The following CCSER1 variants were observed in gnomAD, a reference collection of about 807,000 sequenced individuals.
The protein encoded by CCSER1 is coiled-coil serine rich protein 1, also known as serine-rich coiled-coil domain-containing protein 1.
CCSER1 carries 41 observed loss-of-function variants against 82.0 expected under a neutral mutation model. The ratio of observed to expected loss-of-function variants is 0.50; its 90% CI spans 0.39 to 0.65. The LOEUF (loss-of-function observed/expected upper bound fraction) is 0.65, where lower values mean the gene tolerates loss of function less well. Ranked by LOEUF, CCSER1 falls within the 30% of genes least tolerant of loss-of-function variation. The pLI is 0.00. For missense variants in CCSER1, 1,119 were observed against 1,064.2 expected, an observed-to-expected ratio of 1.05 and a Z score of -0.72; for synonymous variants, 414 against 383.9, an observed-to-expected ratio of 1.08 and a Z score of -0.92.
At chr4:90,942,194 C>CCCA (rs767109874) in intron 9 of CCSER1, among the ~76,000 whole-genome samples, 7 of 152,116 alleles carry the variant, frequency 4.6e-5, no homozygotes, top group Non-Finnish European at 8.8e-5. Flanking sequence ...AAGCGATCCA[C>CCCA]CCACCACCTC....
chr4:90,275,244 T>C (rs1469749529), intron 1 of CCSER1, among the ~76,000 whole-genome samples: 1 of 152,144 alleles, frequency 6.6e-6, no homozygotes, highest in Non-Finnish European at 1.5e-5. Context: ...ACTAGCAAGC[T>C]GGATTAAGAA....
At chr4:91,020,762 T>G (rs1739883125) in intron 9 of CCSER1, among the ~76,000 whole-genome samples, 1 of 152,152 alleles carries the variant, frequency 6.6e-6, no homozygotes, top group Non-Finnish European at 1.5e-5. Flanking sequence ...CAAAATATAC[T>G]TCATCTTATG....
At position 91,521,328 on chromosome 4, in the gene CCSER1, C is replaced by T. The variant is rs143518337; in HGVS notation, c.2218-77244C>T. On this transcript the variant is annotated intron_variant, in intron 10 of 10. Transcript: ENST00000509176. ...AAATCTTTGCTATTGTGAATAGTGC[C>T]GCAATAAACATGCATGTGCATGTGT... 6.6e-5 allele frequency among the ~76,000 whole-genome samples: 10 copies of T among 152,198 alleles called. No homozygotes were observed. In the East Asian group the frequency reaches 1.2e-3, roughly 18 times the overall value.
intron 3 of CCSER1, among the ~76,000 whole-genome samples, chr4:90,348,984 TGTTTCCTAAA>T (rs1742926307): frequency 6.6e-6 from 1 of 152,188 alleles, no homozygotes; most frequent in Non-Finnish European, 1.5e-5. Context: ...CTGTATCTGA[TGTTTCCTAAA>T]TATAAGTTTA....
intron 7 of CCSER1, among the ~76,000 whole-genome samples, chr4:90,809,901 G>A (rs1454338): frequency 0.61 from 93,027 of 151,298 alleles, 28,914 homozygotes; most frequent in African/African-American, 0.71. Flanking sequence ...CTAAATAAAT[G>A]AATAAGAACT....
intron 5 of CCSER1, among the ~76,000 whole-genome samples, chr4:90,506,966 C>T (rs1770789532): frequency 6.6e-6 from 1 of 152,084 alleles, no homozygotes; most frequent in Non-Finnish European, 1.5e-5. Flanking sequence ...TTGGTTGACG[C>T]ACTCTCGTTT....
chr4:91,527,828 G>A (rs910334172), intron 10 of CCSER1, among the ~76,000 whole-genome samples: 1 of 152,144 alleles, frequency 6.6e-6, no homozygotes, highest in African/African-American at 2.4e-5. Context: ...AAGTCATCTA[G>A]CGCTATTGAT....
At chr4:91,440,353 T>C (rs1175109007) in intron 10 of CCSER1, among the ~76,000 whole-genome samples, 1 of 152,098 alleles carries the variant, frequency 6.6e-6, no homozygotes, top group Non-Finnish European at 1.5e-5. Context: ...AACAATCTGC[T>C]CCTGAATGAC....
At chr4:90,801,291 A>C (rs1036407330) in intron 7 of CCSER1, among the ~76,000 whole-genome samples, 2 of 152,066 alleles carry the variant, frequency 1.3e-5, no homozygotes, top group African/African-American at 2.4e-5. Flanking sequence ...CTTACTTTTT[A>C]TGTCTGAAAC....
At position 90,878,385 on chromosome 4, in the gene CCSER1, T is replaced by A. The variant is rs191317434; in HGVS notation, c.2095-44985T>A. Among the ~76,000 whole-genome samples the A allele has an allele frequency of 2.4e-4, 36 of 152,324 alleles. No homozygotes were observed. The East Asian group carries it at 6.9e-3, about 29-fold the overall frequency. On this transcript the variant is annotated intron_variant, in intron 8 of 10. Transcript: ENST00000509176. Reference sequence around the variant, plus strand: ...TTCCTGCTAAGTCTTATTATTTTCATCTATATTCTTAATTCATTTGTACCT... The same window carrying A: ...TTCCTGCTAAGTCTTATTATTTTCAACTATATTCTTAATTCATTTGTACCT...
intron 4 of CCSER1, among the ~76,000 whole-genome samples, chr4:90,407,283 G>A (rs1013827633): frequency 2.6e-5 from 4 of 152,092 alleles, no homozygotes; most frequent in South Asian, 2.1e-4. Context: ...GGAAATATAT[G>A]ACCCTCGTAG....
chr4:91,297,089 A>G (rs1054540230), intron 10 of CCSER1, among the ~76,000 whole-genome samples: 1 of 151,800 alleles, frequency 6.6e-6, no homozygotes, highest in Non-Finnish European at 1.5e-5. Flanking sequence ...ATGTAAAGGA[A>G]TGTTCAGGGT....
chr4:90,740,853 C>G (rs1746436788), intron 7 of CCSER1, among the ~76,000 whole-genome samples: 1 of 152,022 alleles, frequency 6.6e-6, no homozygotes, highest in East Asian at 1.9e-4. Context: ...GGGTCATAGT[C>G]TGTTTTGCTT....
At chr4:91,162,878 C>G (rs538886308) in intron 10 of CCSER1, among the ~76,000 whole-genome samples, 2 of 152,072 alleles carry the variant, frequency 1.3e-5, no homozygotes, top group East Asian at 3.9e-4. Context: ...TTTCAAAAAA[C>G]CAGCTCCTGG....
intron 3 of CCSER1, among the ~76,000 whole-genome samples, chr4:90,323,652 T>C (rs770291209): frequency 3.9e-5 from 6 of 152,026 alleles, no homozygotes; most frequent in Admixed American, 6.6e-5. Context: ...ACAGTGTCTT[T>C]CCTATCCTCT....
intron 1 of CCSER1, among the ~76,000 whole-genome samples, chr4:90,272,605 C>G (rs543371874): frequency 1.3e-5 from 2 of 152,162 alleles, no homozygotes; most frequent in Admixed American, 6.6e-5. Context: ...GATATGGACA[C>G]TCCTATGTTT....
chr4:90,537,838 A>G (rs570157648), intron 5 of CCSER1, among the ~76,000 whole-genome samples: 8 of 152,202 alleles, frequency 5.3e-5, no homozygotes, highest in African/African-American at 1.4e-4. Context: ...CTCCAGTTTT[A>G]TGATTTGCAT....
chr4:91,416,341 G>GA (rs60514294), intron 10 of CCSER1, among the ~76,000 whole-genome samples: 201 of 146,362 alleles, frequency 1.4e-3, no homozygotes, highest in East Asian at 9.5e-3. Context: ...CACAGAATTA[G>GA]AAAAAAAAAA....
chr4:90,943,728 A>C (rs922338561), intron 9 of CCSER1, among the ~76,000 whole-genome samples: 1 of 77,622 alleles, frequency 1.3e-5, no homozygotes, highest in Admixed American at 1.6e-4. Flanking sequence ...GTGCCAGGCT[A>C]ATTTTTTTTT....
Sources: gnomAD v4.1 joint callset for allele counts (sites outside exome capture counted in the v4.1 genomes callset) on GRCh38, gnomAD v4.1.1 for gene constraint, MANE v1.5 for transcripts, NCBI Gene and HGNC (gene_info 2026-07-23, HGNC 2026-07-21) for gene names.